WRN: variants seen among roughly 807,000 people sequenced by gnomAD.
The protein encoded by WRN is bifunctional 3'-5' exonuclease/ATP-dependent helicase WRN.
WRN carries 149 observed loss-of-function variants against 180.7 expected under a neutral mutation model. The observed-to-expected ratio is 0.82, with a 90% CI of 0.72 to 0.94. The LOEUF (loss-of-function observed/expected upper bound fraction) is 0.94. WRN is among the 40% of genes least tolerant of loss of function. The probability of loss-of-function intolerance (pLI) is 0.00; values close to 1 mark genes in which losing one functional copy is unlikely to be tolerated. For synonymous variants in WRN, 548 were observed against 568.9 expected (o/e 0.96, Z 0.52); for missense variants, 1,661 against 1,700.1 (o/e 0.98, Z 0.40).
At chr8:31,172,634 C>T (rs931107622) in intron 34 of WRN, among the ~76,000 whole-genome samples, 2 of 152,176 alleles carry the variant, frequency 1.3e-5, no homozygotes, top group South Asian at 4.1e-4. Flanking sequence ...TATACATGCC[C>T]AGGCATGTTC....
chr8:31,149,383 C>A (rs113114954), intron 30 of WRN, among the ~76,000 whole-genome samples: 7 of 140,748 alleles, frequency 5.0e-5, no homozygotes, highest in Admixed American at 2.3e-4. Flanking sequence ...GGTGACAGAG[C>A]GAGACTCCGT....
At chr8:31,043,096 C>A (rs1375607853) in intron 1 of WRN, among the ~76,000 whole-genome samples, 1 of 152,194 alleles carries the variant, frequency 6.6e-6, no homozygotes, top group South Asian at 2.1e-4. Flanking sequence ...GGCCTTCAGG[C>A]AAGTTCACTC....
At chr8:31,144,147 C>T (rs557416341) in intron 28 of WRN, among the ~76,000 whole-genome samples, 2 of 152,142 alleles carry the variant, frequency 1.3e-5, no homozygotes, top group Admixed American at 1.3e-4. Flanking sequence ...TTGTGGCAAC[C>T]CTGCGTCAAA....
chr8:31,149,770 T>G (rs1803042099), intron 30 of WRN, among the ~76,000 whole-genome samples: 1 of 152,184 alleles, frequency 6.6e-6, no homozygotes, highest in South Asian at 2.1e-4. Flanking sequence ...CCACAGTGCC[T>G]GGCCCAGAGG....
chr8:31,143,779 T>C (rs1467198327), intron 28 of WRN, among the ~76,000 whole-genome samples, 156 bp downstream of exon 28: 1 of 152,166 alleles, frequency 6.6e-6, no homozygotes, highest in African/African-American at 2.4e-5. Context: ...AAGTGAGCTA[T>C]AAAAGAATAA....
At chr8:31,166,013 T>A (rs1803844498) in intron 33 of WRN, among the ~76,000 whole-genome samples, 2 of 152,180 alleles carry the variant, frequency 1.3e-5, no homozygotes, top group African/African-American at 2.4e-5. Flanking sequence ...TTCTATTAGC[T>A]GTGTAACTTT....
intron 18 of WRN, among the ~76,000 whole-genome samples, chr8:31,107,246 G>A (rs1208947297): frequency 3.7e-5 from 2 of 53,360 alleles, no homozygotes; most frequent in South Asian, 5.0e-4. Flanking sequence ...CTGGAGGACC[G>A]ATTTCCATTA....
intron 21 of WRN, among the ~76,000 whole-genome samples, chr8:31,121,388 A>G (rs1407298694): frequency 2.0e-5 from 3 of 152,018 alleles, no homozygotes; most frequent in Non-Finnish European, 2.9e-5. Context: ...TCCATGAACT[A>G]TGCTATGTGT....
Position 31,111,466 on chromosome 8 carries a change from A to AT in WRN, c.2089-143dup, listed in dbSNP as rs11574288. On this transcript the variant is annotated intron_variant, in intron 18 of 34. Coordinates refer to ENST00000298139, the MANE Select transcript of WRN (RefSeq NM_000553.6). ...GGCTGAGAAACAAGTTAGTAGGGAG[A>AT]TTTTTTCTTTGCAAAAAAATTTTAC... is the stretch of plus-strand genomic sequence containing the variant. 3,277 of 824,654 alleles carry AT rather than the reference A, an allele frequency of 4.0e-3. 10 individuals are homozygous for AT. Among genetic ancestry groups the AT allele is most frequent in the Non-Finnish European group, 5.6e-3 (2,963 of 526,976 alleles). 51.1% of individuals were successfully genotyped at this position (824,654 alleles called of 1,614,324 possible).
In WRN at chr8:31,070,900, G is replaced by C. The variant is rs1465304272; in HGVS notation, c.724+2573G>C. On this transcript the variant is annotated intron_variant, in intron 7 of 34. Transcript: ENST00000298139. ...TCTCTACTAAAAATACAAAAAATTAGCTGAGTGTGGTGACGGGCACCTGTA... is the reference window on the plus strand; with the variant it reads ...TCTCTACTAAAAATACAAAAAATTACCTGAGTGTGGTGACGGGCACCTGTA... Among the ~76,000 whole-genome samples, 5 of 152,202 alleles carry C rather than the reference G, an allele frequency of 3.3e-5. No homozygotes were observed. The East Asian group carries it at 7.7e-4, about 24-fold the overall frequency.
chr8:31,043,584 T>G (rs1369062523), intron 1 of WRN, among the ~76,000 whole-genome samples: 1 of 152,196 alleles, frequency 6.6e-6, no homozygotes, highest in Non-Finnish European at 1.5e-5. Flanking sequence ...TTTTTCCTCC[T>G]CCTATGCTTG....
At chr8:31,047,245 C>T (rs897546920) in intron 1 of WRN, among the ~76,000 whole-genome samples, 4 of 151,378 alleles carry the variant, frequency 2.6e-5, no homozygotes, top group East Asian at 2.0e-4. Context: ...TGGGCTCAAG[C>T]GATCCTCCCA....
chr8:31,040,566 A>C (rs1811613039), intron 1 of WRN, among the ~76,000 whole-genome samples: 1 of 152,228 alleles, frequency 6.6e-6, no homozygotes. Context: ...ATGTTTCAAG[A>C]AGATGGGTGT....
At chr8:31,062,873 C>T (rs192446680) in intron 3 of WRN, among the ~76,000 whole-genome samples, 1 of 151,936 alleles carries the variant, frequency 6.6e-6, no homozygotes, top group East Asian at 1.9e-4. Context: ...GCTCTGTTAT[C>T]CAGGCTGGAG....
At chr8:31,140,564 T>A (rs1802580792) in intron 24 of WRN, among the ~76,000 whole-genome samples, 1 of 149,860 alleles carries the variant, frequency 6.7e-6, no homozygotes, top group Non-Finnish European at 1.5e-5. Flanking sequence ...CTCAAAACCA[T>A]CAGCTGTTTA....
chr8:31,148,099 C>T (rs1432990684), intron 30 of WRN, among the ~76,000 whole-genome samples: 2 of 152,090 alleles, frequency 1.3e-5, no homozygotes, highest in African/African-American at 4.8e-5. Flanking sequence ...ATTGCCTAGG[C>T]TGGTCTTGAA....
rs376409491 is a variant in WRN at position 31,090,809 on chromosome 8, A to G, written c.1721-25A>G. 10 of 1,550,476 alleles carry G rather than the reference A, an allele frequency of 6.4e-6. 1 individual carries two copies. The South Asian group carries it at 1.2e-4, about 18-fold the overall frequency. On this transcript the variant is annotated intron_variant, in intron 14 of 34. Transcript: ENST00000298139. ...TTTATTTCTATATTTTTTTCATTTT[A>G]TTTTTATATTTTTTTCATTTCAAGG...
Position 31,080,911 on chromosome 8 carries a change from T to A in WRN, c.884T>A (p.Leu295Gln). The A allele has an allele frequency of 1.2e-6, 2 of 1,612,512 alleles. No homozygotes were observed. Among genetic ancestry groups the A allele is most frequent in the Non-Finnish European group, 1.7e-6 (2 of 1,179,616 alleles). Residue 295 changes from leucine (L) to glutamine (Q), a missense_variant, in exon 9 of 35, where the codon CTG becomes CAG. Physicochemically the swap from Leu to Gln is moderately radical, Grantham distance 113. This residue lies in a region of WRN where 500 missense variants were observed against 504.1 expected (regional missense o/e 0.99). Coordinates refer to ENST00000298139, the MANE Select transcript of WRN (RefSeq NM_000553.6). ...LKDISENLYS[L>Q]RRMIIGSTNI... ...GATATTTCAGAAAATCTATATTCACTGAGGAGGATGATAATTGGGTCTACT... is the reference window on the plus strand; with the variant it reads ...GATATTTCAGAAAATCTATATTCACAGAGGAGGATGATAATTGGGTCTACT...
intron 1 of WRN, among the ~76,000 whole-genome samples, chr8:31,045,737 A>G (rs1811837340): frequency 6.6e-6 from 1 of 152,100 alleles, no homozygotes; most frequent in Admixed American, 6.5e-5. Flanking sequence ...TAAAAGTTTC[A>G]TATTTAGTAG....
Sources: gnomAD v4.1 joint callset for allele counts (sites outside exome capture counted in the v4.1 genomes callset) on GRCh38, gnomAD v4.1.1 for gene constraint, gnomAD v4.1.1 regional missense constraint, MANE v1.5 for transcripts, NCBI Gene and HGNC (gene_info 2026-07-23, HGNC 2026-07-21) for gene names.